The following ANK3 variants were observed in gnomAD, a reference collection of about 807,000 sequenced individuals.
ANK3 encodes ankyrin-3.
A neutral mutation model predicts 370.9 loss-of-function variants in ANK3; 57 were observed. The observed-to-expected ratio is 0.15, with a 90% CI of 0.12 to 0.19. The LOEUF (loss-of-function observed/expected upper bound fraction) is 0.19. ANK3 is among the 10% of genes least tolerant of loss of function. The pLI, the probability that ANK3 is intolerant of heterozygous loss-of-function variation, is 1.00. For missense variants in ANK3, 4,439 were observed against 5,302.1 expected (o/e 0.84, Z 5.06); for synonymous variants, 1,929 against 1,946.3 (o/e 0.99, Z 0.23).
chr10:60,068,792 T>C lies in ANK3; in HGVS notation c.12089A>G (p.Glu4030Gly). 6.2e-7 allele frequency: 1 copy of C among 1,614,242 alleles called. No individual in the cohort carries two copies. Among genetic ancestry groups the C allele is most frequent in the Non-Finnish European group, 8.5e-7 (1 of 1,180,034 alleles). The change falls in exon 37 of 44, where the codon GAA (glutamate) becomes GGA (glycine). Residue 4030 changes from glutamate (E) to glycine (G), a missense_variant. Physicochemically the swap from Glu to Gly is moderately conservative, Grantham distance 98. Coordinates refer to ENST00000280772, the MANE Select transcript of ANK3 (RefSeq NM_020987.5). ...KMQSELSDEEESTSRNTSLSE... is the reference protein window; with the variant it reads ...KMQSELSDEEGSTSRNTSLSE... ...CAACGACGTGTTTCTTGAGGTACTT[T>C]CTTCCTCATCGGACAACTCGGACTG...
chr10:60,691,112 T>A lies in ANK3; in HGVS notation c.57+42151A>T, dbSNP rs12262665. On this transcript the variant is annotated intron_variant, in intron 1 of 43. Transcript: ENST00000373827. ...TCAATTTATGGCATCTACCCACAGA[T>A]CTGTTAGGTCAAAGTCAGCTCTCCT... Among the ~76,000 whole-genome samples, 486 of 152,284 alleles carry A rather than the reference T, an allele frequency of 3.2e-3. 4 individuals are homozygous for A. Among genetic ancestry groups the A allele is most frequent in the African/African-American group, 0.011 (472 of 41,550 alleles).
chr10:60,191,671 T>C (rs1196247048), intron 16 of ANK3, among the ~76,000 whole-genome samples: 3 of 152,194 alleles, frequency 2.0e-5, no homozygotes, highest in Non-Finnish European at 4.4e-5. Flanking sequence ...TGTAAGGAGA[T>C]ATCTCAAAGA....
intron 2 of ANK3, among the ~76,000 whole-genome samples, chr10:60,428,297 G>A (rs2063934572): frequency 6.6e-6 from 1 of 152,110 alleles, no homozygotes; most frequent in Admixed American, 6.6e-5. Context: ...CCTAAGTGTG[G>A]AGCCAGGCCT....
chr10:60,684,834 A>C, intron 1 of ANK3: 4 of 1,514,594 alleles, frequency 2.6e-6, no homozygotes, highest in Non-Finnish European at 3.6e-6. Flanking sequence ...GGATGGAAGA[A>C]GCCAAAACTG....
chr10:60,190,584 G>A (rs932062252), intron 16 of ANK3, among the ~76,000 whole-genome samples: 1 of 152,202 alleles, frequency 6.6e-6, no homozygotes, highest in African/African-American at 2.4e-5. Flanking sequence ...GAACTTCTGG[G>A]AAAGCCTTGT....
At chr10:60,663,261 G>A (rs2078957316) in intron 1 of ANK3, among the ~76,000 whole-genome samples, 1 of 152,152 alleles carries the variant, frequency 6.6e-6, no homozygotes, top group Non-Finnish European at 1.5e-5. Flanking sequence ...AAGGGCCACT[G>A]ATTTTTATAC....
intron 29 of ANK3, among the ~76,000 whole-genome samples, chr10:60,087,762 G>A (rs2087077941): frequency 6.6e-6 from 1 of 152,098 alleles, no homozygotes; most frequent in Non-Finnish European, 1.5e-5. Flanking sequence ...ATAAAACCCA[G>A]TATTTATGAT....
chr10:60,695,263 G>A (rs1438105020), intron 1 of ANK3, among the ~76,000 whole-genome samples: 1 of 151,936 alleles, frequency 6.6e-6, no homozygotes, highest in Non-Finnish European at 1.5e-5. Context: ...AGCCCTGAGT[G>A]ACCTACAAAG....
chr10:60,318,068 T>A (rs900038213), intron 1 of ANK3, among the ~76,000 whole-genome samples: 2 of 152,060 alleles, frequency 1.3e-5, no homozygotes, highest in Non-Finnish European at 2.9e-5. Context: ...ATAGAAATGG[T>A]TTATTTTGGG....
chr10:60,076,182 C>A lies in ANK3; in HGVS notation c.4699G>T (p.Val1567Leu). ...CGAAAGGATCTAATTGGAGATGCCACGTCACTAATGGATTTAACTGAAGAT... is the reference window on the plus strand; with the variant it reads ...CGAAAGGATCTAATTGGAGATGCCAAGTCACTAATGGATTTAACTGAAGAT... ...TTSSVKSISD[V>L]ASPIRSFRTM... is the part of the protein sequence containing the mutation. Residue 1567 changes from valine to leucine, a missense_variant, in exon 37 of 44, where the codon GTG becomes TTG. Coordinates refer to ENST00000280772, the MANE Select transcript of ANK3 (RefSeq NM_020987.5). The A allele has an allele frequency of 3.7e-6, 6 of 1,614,156 alleles. No homozygotes were observed. Among genetic ancestry groups the A allele is most frequent in the Non-Finnish European group, 5.1e-6 (6 of 1,179,996 alleles).
intron 1 of ANK3, among the ~76,000 whole-genome samples, chr10:60,313,871 AT>A (rs1283770533): frequency 6.6e-6 from 1 of 151,930 alleles, no homozygotes; most frequent in Non-Finnish European, 1.5e-5. Flanking sequence ...GCTAAAAAAA[AT>A]AGCACCTCCA....
At chr10:60,595,197 G>A (rs1319646694) in intron 2 of ANK3, among the ~76,000 whole-genome samples, 2 of 152,034 alleles carry the variant, frequency 1.3e-5, no homozygotes, top group African/African-American at 4.8e-5. Context: ...CACAGCCCAG[G>A]GAGAGCTAAC....
At chr10:60,733,148 AC>A (rs1290498215) in intron 1 of ANK3, 16 of 878,002 alleles carry the variant, frequency 1.8e-5, no homozygotes, top group Non-Finnish European at 2.4e-5. Flanking sequence ...GCCGCCTGGC[AC>A]CCCCAGGAGG....
chr10:60,259,991 C>T (rs16914668), intron 7 of ANK3, among the ~76,000 whole-genome samples: 8,079 of 152,218 alleles, frequency 0.053, 360 homozygotes, highest in African/African-American at 0.12. Context: ...GTGAATAAAA[C>T]TGACTGACGC....
chr10:60,216,278 C>G (rs71495627), intron 8 of ANK3, among the ~76,000 whole-genome samples: 4 of 152,112 alleles, frequency 2.6e-5, no homozygotes, highest in Non-Finnish European at 5.9e-5. Flanking sequence ...ACTGATTGCT[C>G]TGGTCTGAAC....
rs146439672 is a variant in ANK3, at chr10:60,729,389, A to G, written c.57+3874T>C. 6.9e-3 allele frequency among the ~76,000 whole-genome samples: 1,053 copies of G among 152,330 alleles called. 9 individuals carry two copies. The highest frequency in any genetic ancestry group is 0.024 in the African/African-American group (1,013 of 41,572). ...CAGAAATGAAGCTAGATGACATAATAGCTACCAATAAATCACCATAGTTAT... is the reference window on the plus strand; with the variant it reads ...CAGAAATGAAGCTAGATGACATAATGGCTACCAATAAATCACCATAGTTAT... On this transcript the variant is annotated intron_variant, in intron 1 of 43. Transcript: ENST00000373827.
intron 30 of ANK3, 134 bp from the exon 31 acceptor site, chr10:60,085,387 A>T: frequency 1.9e-6 from 1 of 525,788 alleles, no homozygotes; most frequent in Admixed American, 3.7e-5. Context: ...AATAGTGTGT[A>T]CTAAAGGTAG....
intron 38 of ANK3, 70 bp from the exon 39 acceptor site, chr10:60,064,358 C>A: frequency 7.0e-7 from 1 of 1,431,004 alleles, no homozygotes; most frequent in Non-Finnish European, 9.4e-7. Flanking sequence ...AAAAGTAATG[C>A]TCAATTGCCA....
intron 1 of ANK3, among the ~76,000 whole-genome samples, chr10:60,327,010 C>T (rs967202042): frequency 3.0e-5 from 4 of 133,530 alleles, no homozygotes; most frequent in African/African-American, 1.1e-4. Flanking sequence ...ACCGAGACTC[C>T]GTCTCAAAAA....
Sources: allele counts gnomAD v4.1 joint callset (sites outside exome capture counted in the v4.1 genomes callset), GRCh38; gene constraint gnomAD v4.1.1; transcripts MANE v1.5; gene names NCBI Gene and HGNC (gene_info 2026-07-23, HGNC 2026-07-21).